Variants in BNIP5 observed in about 807,000 individuals in gnomAD.
The protein encoded by BNIP5 is protein BNIP5.
BNIP5 carries 61 observed loss-of-function variants against 67.3 expected under a neutral mutation model. The ratio of observed to expected loss-of-function variants is 0.91; its 90% CI spans 0.74 to 1.12. The LOEUF (loss-of-function observed/expected upper bound fraction) is 1.12. Ranked by LOEUF, BNIP5 falls within the 50% of genes most tolerant of loss-of-function variation. The probability of loss-of-function intolerance (pLI) is 0.00; values close to 1 mark genes in which losing one functional copy is unlikely to be tolerated. For synonymous variants in BNIP5, 317 were observed against 319.0 expected, an observed-to-expected ratio of 0.99 and a Z score of 0.07; for missense variants, 826 against 816.3, an observed-to-expected ratio of 1.01 and a Z score of -0.14.
At chr6:36,325,902 A>T (rs762558516) in intron 5 of BNIP5, among the ~76,000 whole-genome samples, 53 of 152,290 alleles carry the variant, frequency 3.5e-4, no homozygotes, top group Middle Eastern at 3.4e-3. Context: ...TTCCGCCTCT[A>T]GCTCTGGCCC....
intron 3 of BNIP5, 139 bp downstream of exon 3, chr6:36,328,459 C>G: frequency 1.7e-6 from 1 of 579,362 alleles, no homozygotes; most frequent in South Asian, 2.6e-5. Context: ...CCAGAAGCAC[C>G]AAAAGAGGCA....
Position 36,330,183 on chromosome 6 carries a change from T to C in BNIP5, c.508A>G (p.Lys170Glu). ...CTGGCCTCCTGGTCTTGAGCTGCCT[T>C]AGTCACCTCGGCCGCGTGTTTCTTG... ...GHKKHAAEVTKAAQDQEARGR... is the reference protein window; with the variant it reads ...GHKKHAAEVTEAAQDQEARGR... The change falls in exon 2 of 12, where the codon AAG becomes GAG. Residue 170 changes from lysine to glutamate, a missense_variant. Transcript: ENST00000437635. 6.2e-7 allele frequency: 1 copy of C among 1,614,078 alleles called. No individual in the cohort carries two copies. Among genetic ancestry groups the C allele is most frequent in the East Asian group, 2.2e-5 (1 of 44,870 alleles).
intron 3 of BNIP5, among the ~76,000 whole-genome samples, chr6:36,327,720 AGTCAGCCTATTCAAGGACAAT>A (rs1444511235): frequency 1.2e-4 from 18 of 152,308 alleles, no homozygotes; most frequent in African/African-American, 4.3e-4. Context: ...TTGATACCCC[AGTCAGCCTATTCAAGGACAAT>A]GTGCCCACAC....
At chr6:36,319,639 A>G in intron 10 of BNIP5, 29 bp from the exon 11 acceptor site, 1 of 1,596,996 alleles carries the variant, frequency 6.3e-7, no homozygotes. Flanking sequence ...ACAGGTCATT[A>G]GTGTTGCTGG....
At position 36,319,482 on chromosome 6, in the gene BNIP5, T is replaced by A. The variant is rs1771587626; in HGVS notation, c.1797A>T (p.Arg599Ser). The change falls in exon 11 of 12, where the codon AGA (arginine) becomes AGT (serine). Residue 599 changes from arginine (R) to serine (S), a missense_variant. By Grantham distance (110) the Arg-to-Ser change is moderately radical. Transcript: ENST00000437635. ...CTAAGCTAACGTCAAACTGGTAGAG[T>A]CTCCTGGCGCGGTTCCTGTCCAGCT... Reference protein sequence around the residue: ...SSKLDRNRARRLYQFDVSLAN... With the variant: ...SSKLDRNRARSLYQFDVSLAN... 3.7e-6 allele frequency: 6 copies of A among 1,613,906 alleles called. No individual in the cohort carries two copies. Among genetic ancestry groups the A allele is most frequent in the Middle Eastern group, 1.7e-4 (1 of 6,060 alleles).
intron 3 of BNIP5, 41 bp downstream of exon 3, chr6:36,328,557 C>T (rs1228830095): frequency 7.9e-7 from 1 of 1,266,210 alleles, no homozygotes; most frequent in Non-Finnish European, 1.2e-6. Context: ...TAACAGCCAC[C>T]TCAGCCACAG....
intron 6 of BNIP5, among the ~76,000 whole-genome samples, chr6:36,324,671 A>C (rs1771723254): frequency 8.5e-6 from 1 of 117,910 alleles, no homozygotes; most frequent in African/African-American, 3.2e-5. Flanking sequence ...GGCTCTGCCA[A>C]TGGTAAAATA....
rs1262997546 is a variant in BNIP5, at chr6:36,328,694, G to C, written c.631C>G (p.Gln211Glu). 6.2e-7 allele frequency: 1 copy of C among 1,612,906 alleles called. No individual in the cohort carries two copies. Among genetic ancestry groups the C allele is most frequent in the Admixed American group, 1.7e-5 (1 of 60,032 alleles). ...CCATCCACTTTGATGAGGAAGGACT[G>C]GTGATCAGAATCTTCCCCACCTGGA... The part of the protein sequence containing the change: ...ARRGGEDSDH[Q>E]SFLIKVDGTG... The change falls in exon 3 of 12, where the codon CAG (glutamine) becomes GAG (glutamate). Residue 211 changes from glutamine (Q) to glutamate (E), a missense_variant. Gln to Glu is a conservative substitution (Grantham distance 29). Coordinates refer to ENST00000437635, the MANE Select transcript of BNIP5 (RefSeq NM_001010903.5).
chr6:36,322,216 C>G, intron 9 of BNIP5, 95 bp downstream of exon 9: 1 of 1,508,278 alleles, frequency 6.6e-7, no homozygotes, highest in Admixed American at 1.7e-5. Flanking sequence ...CTTCCCCATT[C>G]CTTCCTCAGA....
At position 36,316,859 on chromosome 6, in the gene BNIP5, G is replaced by A; in HGVS notation, c.*497C>T. On this transcript the variant is annotated 3_prime_UTR_variant, in exon 12 of 12. Coordinates refer to ENST00000437635, the MANE Select transcript of BNIP5 (RefSeq NM_001010903.5). ...GGGAGGCATCTACAAATCCATATGAGCATGAAGAACTACTGGTCAACTGAA... is the reference window on the plus strand; with the variant it reads ...GGGAGGCATCTACAAATCCATATGAACATGAAGAACTACTGGTCAACTGAA... 1 of 401,558 alleles carries A rather than the reference G, an allele frequency of 2.5e-6. No homozygotes were observed. The highest frequency in any genetic ancestry group is 4.4e-6 in the Non-Finnish European group (1 of 227,918). The allele number at this position is 401,558 out of a possible 1,614,324, so 24.9% of individuals were successfully genotyped here.
rs143595135 is a variant in BNIP5, at chr6:36,330,430, G to A, written c.261C>T (p.Ser87=). The change falls in exon 2 of 12, where the codon AGC becomes AGT. Residue 87 remains serine (S), a synonymous_variant. Coordinates refer to ENST00000437635, the MANE Select transcript of BNIP5 (RefSeq NM_001010903.5). ...TPEETGDFLP[S]EQRPSQDTKK... ...TGGTGTCTTGCGAAGGCCTCTGCTC[G>A]CTGGGGAGAAAATCTCCGGTCTCCT... 159 of 1,614,146 alleles carry A rather than the reference G, an allele frequency of 9.9e-5. No homozygotes were observed. The highest frequency in any genetic ancestry group is 4.1e-4 in the African/African-American group (31 of 75,048).
At chr6:36,326,483 G>A (rs372660640) in intron 5 of BNIP5, 27 bp downstream of exon 5, 59 of 1,612,938 alleles carry the variant, frequency 3.7e-5, no homozygotes, top group Non-Finnish European at 9.3e-6. Context: ...CTGCAGGGTT[G>A]CTATGGCAAC....
chr6:36,317,173 T>C lies in BNIP5; in HGVS notation c.*183A>G. ...CAGACATGGCCTCTGTGTCTTGCCT[T>C]GTGGAAGAATGCTCTGTGCTTCTCA... On this transcript the variant is annotated 3_prime_UTR_variant, in exon 12 of 12. Coordinates refer to ENST00000437635, the MANE Select transcript of BNIP5 (RefSeq NM_001010903.5). The C allele has an allele frequency of 1.6e-6, 1 of 634,978 alleles. No individual in the cohort carries two copies. Among genetic ancestry groups the C allele is most frequent in the Non-Finnish European group, 2.8e-6 (1 of 351,880 alleles). The allele number at this position is 634,978 out of a possible 1,614,324, so 39.3% of individuals were successfully genotyped here. A position where few individuals can be genotyped will look rare whatever the true frequency, so the allele number is the denominator to read the frequency against.
rs1004313897 is a variant in BNIP5 at position 36,329,934 on chromosome 6, AAGGGAGGG to A, written c.610+139_610+146del. On this transcript the variant is annotated intron_variant, in intron 2 of 11. Transcript: ENST00000437635. ...GAAGGAAAGAAGGAAGGGAGGGAGG[AAGGGAGGG>A]AGGAAGGAAGGAAGGAAGTCACAGC... is the stretch of plus-strand genomic sequence containing the variant. 5.2e-5 allele frequency: 40 copies of A among 762,604 alleles called. No individual in the cohort carries two copies. The African/African-American group carries it at 6.8e-4, about 13-fold the overall frequency. The allele number at this position is 762,604 out of a possible 1,614,324, so 47.2% of individuals were successfully genotyped here.
rs2127362377 is a variant in BNIP5 at position 36,319,602 on chromosome 6, G to A, written c.1677C>T (p.Arg559=). 6.2e-7 allele frequency: 1 copy of A among 1,610,180 alleles called. No homozygotes were observed. The highest frequency in any genetic ancestry group is 1.1e-5 in the South Asian group (1 of 91,036). ...VDGQLGQQIR[R]HPSFKRFFYE... is the part of the protein sequence containing the mutation. The stretch of plus-strand genomic sequence containing the variant: ...AAAAAAACCTCTTAAAGCTGGGGTG[G>A]CGCCTGATCTGGAAGTGGAAATGAA... Residue 559 remains arginine, a synonymous_variant, in exon 11 of 12, where the codon CGC becomes CGT. Transcript: ENST00000437635.
At chr6:36,321,102 G>GGTCTCAGCT (rs11280973) in intron 10 of BNIP5, 53 bp downstream of exon 10, 567,096 of 1,229,122 alleles carry the variant, frequency 0.46, 133,325 homozygotes, top group Admixed American at 0.59. Flanking sequence ...ATGGAACCCA[G>GGTCTCAGCT]GTGGGTAGAT....
intron 6 of BNIP5, among the ~76,000 whole-genome samples, chr6:36,324,392 G>A (rs1403370536): frequency 6.6e-6 from 1 of 150,764 alleles, no homozygotes; most frequent in Non-Finnish European, 1.5e-5. Flanking sequence ...AGACACCCAG[G>A]AGGAGGCCCC....
intron 5 of BNIP5, 137 bp from the exon 6 acceptor site, chr6:36,325,551 G>T: frequency 9.3e-7 from 1 of 1,072,478 alleles, no homozygotes; most frequent in Non-Finnish European, 1.3e-6. Flanking sequence ...GACAGCTGCT[G>T]GGCAGGGCTG....
In BNIP5 at chr6:36,328,602, A is replaced by C; in HGVS notation, c.723T>G (p.Pro241=). The C allele has an allele frequency of 6.2e-7, 1 of 1,607,480 alleles. No individual in the cohort carries two copies. The highest frequency in any genetic ancestry group is 8.5e-7 in the Non-Finnish European group (1 of 1,173,846). The change falls in exon 3 of 12, where the codon CCT becomes CCG. Residue 241 remains proline, a synonymous_variant. Coordinates refer to ENST00000437635, the MANE Select transcript of BNIP5 (RefSeq NM_001010903.5). ...GHQQEEELKK[P]DQDAIIQMIV... ...TCACTAGAGATTCCGACTCACGGTC[A>C]GGCTTTTTGAGCTCCTCTTCTTGCT...
Sources: gnomAD v4.1 joint callset for allele counts (sites outside exome capture counted in the v4.1 genomes callset) on GRCh38, gnomAD v4.1.1 for gene constraint, MANE v1.5 for transcripts, NCBI Gene and HGNC (gene_info 2026-07-23, HGNC 2026-07-21) for gene names.